WDPCP: variants seen among roughly 807,000 people sequenced by gnomAD.
WDPCP encodes the protein WD repeat-containing and planar cell polarity effector protein fritz homolog.
WDPCP carries 71 observed loss-of-function variants against 93.1 expected under a neutral mutation model. That is an observed-to-expected ratio of 0.76 (90% CI 0.63 to 0.93). The LOEUF is 0.93. WDPCP is among the 40% of genes least tolerant of loss of function. WDPCP has a pLI of 0.00. For synonymous variants in WDPCP, 315 were observed against 315.0 expected (o/e 1.00, Z 0.00); for missense variants, 844 against 887.4 (o/e 0.95, Z 0.62).
intron 2 of WDPCP, among the ~76,000 whole-genome samples, chr2:63,734,866 T>C (rs202035687): frequency 2.3e-5 from 3 of 131,928 alleles, no homozygotes; most frequent in Non-Finnish European, 3.2e-5. Context: ...TGGAGATAGA[T>C]AGATAGACAG....
At chr2:63,126,666 G>GTTTTTT (rs763749429) in intron 17 of WDPCP, among the ~76,000 whole-genome samples, 26 of 98,094 alleles carry the variant, frequency 2.7e-4, no homozygotes, top group South Asian at 3.7e-4. Context: ...CTTGTTTTGT[G>GTTTTTT]TTTTTTTTTT....
At chr2:63,502,714 T>C (rs1701630542) in intron 1 of WDPCP, among the ~76,000 whole-genome samples, 2 of 152,128 alleles carry the variant, frequency 1.3e-5, no homozygotes, top group Admixed American at 1.3e-4. Flanking sequence ...TTTGTGCATG[T>C]TTAGTCATTT....
chr2:63,586,145 T>A (rs1472173318), intron 1 of WDPCP, among the ~76,000 whole-genome samples: 1 of 152,200 alleles, frequency 6.6e-6, no homozygotes, highest in Non-Finnish European at 1.5e-5. Flanking sequence ...TAAATAATTG[T>A]ATACTATAAA....
chr2:63,272,035 G>C (rs535123566), intron 13 of WDPCP, among the ~76,000 whole-genome samples: 2 of 152,244 alleles, frequency 1.3e-5, no homozygotes, highest in South Asian at 2.1e-4. Context: ...GGAGGTCCAA[G>C]GGTTAGCCTG....
chr2:63,733,396 G>T (rs893015012), intron 2 of WDPCP, among the ~76,000 whole-genome samples: 22 of 150,166 alleles, frequency 1.5e-4, no homozygotes, highest in African/African-American at 4.4e-4. Flanking sequence ...TAGAGACGGG[G>T]TTTCACCTTG....
At chr2:63,771,999 G>A (rs996674885) in intron 2 of WDPCP, among the ~76,000 whole-genome samples, 15 of 151,990 alleles carry the variant, frequency 9.9e-5, no homozygotes, top group East Asian at 1.9e-4. Context: ...ATAGTGCTGC[G>A]ATGAACATAT....
intron 2 of WDPCP, among the ~76,000 whole-genome samples, chr2:63,658,415 T>C (rs1221225490): frequency 6.6e-6 from 1 of 152,150 alleles, no homozygotes; most frequent in Non-Finnish European, 1.5e-5. Flanking sequence ...CCTCTCCATT[T>C]CTGTGATGGG....
intron 2 of WDPCP, among the ~76,000 whole-genome samples, chr2:63,709,644 C>G (rs1404253429): frequency 6.6e-6 from 1 of 152,178 alleles, no homozygotes; most frequent in African/African-American, 2.4e-5. Context: ...CTTAACATTG[C>G]TATATTTTCT....
At chr2:63,521,050 T>G (rs1436580710) in intron 1 of WDPCP, among the ~76,000 whole-genome samples, 3 of 152,036 alleles carry the variant, frequency 2.0e-5, no homozygotes, top group Admixed American at 2.0e-4. Flanking sequence ...TTACAAGAGG[T>G]CCTAAAGGGA....
intron 14 of WDPCP, among the ~76,000 whole-genome samples, chr2:63,247,803 G>GT (rs1210706847): frequency 2.0e-5 from 3 of 150,972 alleles, no homozygotes; most frequent in Non-Finnish European, 4.4e-5. Flanking sequence ...CTGTTTTTTT[G>GT]TTTGTTTTGT....
chr2:63,297,407 T>A (rs906887140), intron 13 of WDPCP, among the ~76,000 whole-genome samples: 2 of 152,058 alleles, frequency 1.3e-5, no homozygotes, highest in African/African-American at 4.8e-5. Context: ...ATTCTCAGGG[T>A]ATACTTAAGT....
intron 2 of WDPCP, among the ~76,000 whole-genome samples, chr2:63,791,963 T>G (rs1670551764): frequency 6.6e-6 from 1 of 152,194 alleles, no homozygotes; most frequent in Admixed American, 6.5e-5. Context: ...TATTTAGTTA[T>G]TAGCAAATGT....
At chr2:63,166,861 T>C (rs1673030486) in intron 15 of WDPCP, among the ~76,000 whole-genome samples, 1 of 152,346 alleles carries the variant, frequency 6.6e-6, no homozygotes, top group Non-Finnish European at 1.5e-5. Context: ...TGACTGTAAT[T>C]ACCCTGTTGT....
chr2:63,523,261 T>C (rs1427164421), intron 1 of WDPCP, among the ~76,000 whole-genome samples: 1 of 152,128 alleles, frequency 6.6e-6, no homozygotes, highest in Non-Finnish European at 1.5e-5. Flanking sequence ...CAACATACCT[T>C]CATGTTAAAA....
chr2:63,289,731 A>G (rs1458592138), intron 13 of WDPCP, among the ~76,000 whole-genome samples: 1 of 151,908 alleles, frequency 6.6e-6, no homozygotes, highest in African/African-American at 2.4e-5. Context: ...TCTATGAATT[A>G]TTATATTTAT....
Position 63,152,904 on chromosome 2 carries a change from A to T in WDPCP, c.2190+10T>A. On this transcript the variant is annotated intron_variant, in intron 17 of 17. Transcript: ENST00000272321. The stretch of plus-strand genomic sequence containing the variant: ...TAAATGTCTAGTAATAAACAGAGAA[A>T]GTGTTTTACCTGTTCTCTGCCGTCT... 1 of 1,609,870 alleles carries T rather than the reference A, an allele frequency of 6.2e-7. No individual in the cohort carries two copies. Among genetic ancestry groups the T allele is most frequent in the Non-Finnish European group, 8.5e-7 (1 of 1,176,470 alleles).
intron 2 of WDPCP, among the ~76,000 whole-genome samples, chr2:63,694,246 C>G (rs1452664029): frequency 6.6e-6 from 1 of 152,048 alleles, no homozygotes; most frequent in African/African-American, 2.4e-5. Flanking sequence ...GTGATTCAAT[C>G]AAAAATATAC....
intron 2 of WDPCP, among the ~76,000 whole-genome samples, chr2:63,659,373 A>G (rs1473795896): frequency 6.6e-6 from 1 of 152,238 alleles, no homozygotes; most frequent in Non-Finnish European, 1.5e-5. Flanking sequence ...AGAGGACTTT[A>G]TAGATGTGAT....
At chr2:63,445,067 A>C (rs1697757598) in intron 6 of WDPCP, among the ~76,000 whole-genome samples, 1 of 152,182 alleles carries the variant, frequency 6.6e-6, no homozygotes, top group Non-Finnish European at 1.5e-5. Context: ...CGGTACTTTG[A>C]GGGAAATGAG....
Sources: allele counts gnomAD v4.1 joint callset (sites outside exome capture counted in the v4.1 genomes callset), GRCh38; gene constraint gnomAD v4.1.1; transcripts MANE v1.5; gene names NCBI Gene and HGNC (gene_info 2026-07-23, HGNC 2026-07-21).